SNX16: variants seen among roughly 807,000 people sequenced by gnomAD.
SNX16 encodes sorting nexin-16.
Under a neutral mutation model 36.7 loss-of-function variants are expected in SNX16, and 35 were observed. The observed-to-expected ratio is 0.95, with a 90% CI of 0.73 to 1.27. The LOEUF (loss-of-function observed/expected upper bound fraction) is 1.27, where lower values mean the gene tolerates loss of function less well. SNX16 is among the 50% of genes most tolerant of loss of function. The pLI, the probability that SNX16 is intolerant of heterozygous loss-of-function variation, is 0.00. For missense variants in SNX16, 367 were observed against 393.6 expected, an observed-to-expected ratio of 0.93 and a Z score of 0.57; for synonymous variants, 134 against 132.0, an observed-to-expected ratio of 1.02 and a Z score of -0.10.
Position 81,800,153 on chromosome 8 carries a change from CTT to C in SNX16, c.*1342_*1343del, listed in dbSNP as rs1809622404. ...ATATATACATCAAGATACCGATAAACTTTTAGATAGTAAAGAAAAAAATGGAG... is the reference window on the plus strand; with the variant it reads ...ATATATACATCAAGATACCGATAAACTTAGATAGTAAAGAAAAAAATGGAG... On this transcript the variant is annotated 3_prime_UTR_variant, in exon 8 of 8. Coordinates refer to ENST00000345957, the MANE Select transcript of SNX16 (RefSeq NM_152836.3). 1 of 151,784 alleles carries C rather than the reference CTT, an allele frequency of 6.6e-6. No homozygotes were observed. The highest frequency in any genetic ancestry group is 2.1e-4 in the South Asian group (1 of 4,822). The allele number at this position is 151,784 out of a possible 1,614,324, so 9.4% of individuals were successfully genotyped here.
intron 4 of SNX16, among the ~76,000 whole-genome samples, chr8:81,817,387 C>T (rs1810543029): frequency 2.0e-5 from 3 of 152,112 alleles, no homozygotes; most frequent in Non-Finnish European, 4.4e-5. Flanking sequence ...TGAATGTTGA[C>T]AGTGTATCCA....
intron 5 of SNX16, among the ~76,000 whole-genome samples, chr8:81,809,159 G>A (rs537587838): frequency 6.6e-6 from 1 of 152,108 alleles, no homozygotes; most frequent in East Asian, 1.9e-4. Context: ...GTGATGCCAG[G>A]TACTATTTGG....
intron 1 of SNX16, 137 bp downstream of exon 1, chr8:81,841,985 G>A (rs532970852): frequency 2.0e-5 from 3 of 152,194 alleles, no homozygotes; most frequent in African/African-American, 7.2e-5. Flanking sequence ...GCCTGAAGGT[G>A]GCTGGGCTTC....
chr8:81,815,279 G>A, intron 5 of SNX16, 46 bp downstream of exon 5: 5 of 1,374,364 alleles, frequency 3.6e-6, no homozygotes, highest in Non-Finnish European at 5.1e-6. Flanking sequence ...TTATTGTACT[G>A]CATTAATTGT....
At chr8:81,818,938 A>C (rs557729299) in intron 4 of SNX16, among the ~76,000 whole-genome samples, 2 of 152,086 alleles carry the variant, frequency 1.3e-5, no homozygotes, top group Non-Finnish European at 2.9e-5. Flanking sequence ...GATGGCTATC[A>C]TATCTCCCAA....
chr8:81,832,810 C>T (rs749089181), intron 2 of SNX16, among the ~76,000 whole-genome samples: 14 of 149,304 alleles, frequency 9.4e-5, no homozygotes, highest in South Asian at 2.2e-4. Flanking sequence ...AGTTTTGATA[C>T]GGTATTTTGC....
intron 5 of SNX16, among the ~76,000 whole-genome samples, chr8:81,811,159 T>G (rs1045379173): frequency 7.2e-5 from 11 of 152,290 alleles, no homozygotes; most frequent in African/African-American, 2.4e-4. Flanking sequence ...TCACTTAAAA[T>G]AGAACTTAAT....
intron 4 of SNX16, among the ~76,000 whole-genome samples, chr8:81,822,948 A>G (rs1810823130): frequency 2.3e-5 from 1 of 44,208 alleles, no homozygotes; most frequent in Non-Finnish European, 4.2e-5. Context: ...ATACATATAC[A>G]TATATATATA....
chr8:81,802,555 T>C, intron 6 of SNX16, 56 bp from the exon 7 acceptor site: 1 of 1,502,802 alleles, frequency 6.7e-7, no homozygotes, highest in South Asian at 1.2e-5. Context: ...GGCATATGTT[T>C]AATGTTGTGA....
chr8:81,815,476 G>A (rs2130659689), intron 4 of SNX16, 82 bp from the exon 5 acceptor site: 3 of 1,121,636 alleles, frequency 2.7e-6, no homozygotes, highest in East Asian at 2.5e-5. Context: ...CTTTGAAGCT[G>A]TACAGTGTTT....
At chr8:81,838,111 G>C (rs1811572015) in intron 2 of SNX16, among the ~76,000 whole-genome samples, 1 of 152,094 alleles carries the variant, frequency 6.6e-6, no homozygotes, top group Non-Finnish European at 1.5e-5. Flanking sequence ...GCAGTAAATA[G>C]AAAACAAAAA....
In SNX16 at chr8:81,822,947, CATATATATAT is replaced by C. The variant is rs949455303; in HGVS notation, c.611+835_611+844del. Among the ~76,000 whole-genome samples, 17 of 52,316 alleles carry C rather than the reference CATATATATAT, an allele frequency of 3.2e-4. No individual in the cohort carries two copies. In the East Asian group the frequency reaches 6.1e-3, roughly 19 times the overall value. 34.3% of individuals were successfully genotyped at this position (52,316 alleles called of 152,430 possible). A position where few individuals can be genotyped will look rare whatever the true frequency, so the allele number is the denominator to read the frequency against. On this transcript the variant is annotated intron_variant, in intron 4 of 7. Transcript: ENST00000345957. ...ATGTGTATATATATATATACATATA[CATATATATAT>C]ATATATATATATATATATACACATA... is the stretch of plus-strand genomic sequence containing the variant.
At position 81,815,402 on chromosome 8, in the gene SNX16, A is replaced by G. The variant is rs757091606; in HGVS notation, c.612-8T>C. ...AATTCTCTCACTGCAAGGCTTTTCA[A>G]AGGAAAAAAAAAATGATCTGAAGTA... On this transcript the variant is annotated splice_region_variant and splice_polypyrimidine_tract_variant and intron_variant, in intron 4 of 7. Coordinates refer to ENST00000345957, the MANE Select transcript of SNX16 (RefSeq NM_152836.3). 3.1e-6 allele frequency: 5 copies of G among 1,607,916 alleles called. No homozygotes were observed. In the African/African-American group the frequency reaches 4.0e-5, roughly 13 times the overall value.
chr8:81,808,233 C>G, intron 5 of SNX16: 1 of 1,263,762 alleles, frequency 7.9e-7, no homozygotes, highest in South Asian at 1.2e-5. Context: ...TAACCTTTCA[C>G]GACCATGACT....
chr8:81,824,805 A>C (rs542746208), intron 3 of SNX16, among the ~76,000 whole-genome samples: 1 of 152,152 alleles, frequency 6.6e-6, no homozygotes, highest in Non-Finnish European at 1.5e-5. Flanking sequence ...CAGATTTTTT[A>C]GGTCAATAAT....
intron 3 of SNX16, among the ~76,000 whole-genome samples, chr8:81,824,435 G>A (rs1388031397): frequency 2.0e-5 from 3 of 151,964 alleles, no homozygotes; most frequent in Admixed American, 2.0e-4. Flanking sequence ...AACTTGGCCT[G>A]ACTTTTCAAT....
At position 81,840,090 on chromosome 8, in the gene SNX16, T is replaced by A. The variant is rs1293087517; in HGVS notation, c.-96-8A>T. The A allele has an allele frequency of 3.7e-6, 5 of 1,333,956 alleles. No individual in the cohort carries two copies. The East Asian group carries it at 9.3e-5, about 25-fold the overall frequency. The allele number at this position is 1,333,956 out of a possible 1,614,324, so 82.6% of individuals were successfully genotyped here. A position where few individuals can be genotyped will look rare whatever the true frequency, so the allele number is the denominator to read the frequency against. ...TTCTTAGGAATTCACTATCTAAAAATGAAAAGGACATATTAAAAGGTTAGT... is the reference window on the plus strand; with the variant it reads ...TTCTTAGGAATTCACTATCTAAAAAAGAAAAGGACATATTAAAAGGTTAGT... On this transcript the variant is annotated splice_region_variant and splice_polypyrimidine_tract_variant and intron_variant, in intron 1 of 7. Transcript: ENST00000345957.
rs1396301008 is a variant in SNX16, at chr8:81,810,095, T to TAATA, written c.681+5229_681+5230insTATT. Among the ~76,000 whole-genome samples the TAATA allele has an allele frequency of 6.6e-5, 10 of 152,266 alleles. No homozygotes were observed. In the East Asian group the frequency reaches 1.9e-3, roughly 29 times the overall value. On this transcript the variant is annotated intron_variant, in intron 5 of 7. Coordinates refer to ENST00000345957, the MANE Select transcript of SNX16 (RefSeq NM_152836.3). ...TGGCTTAAGAATTCTGCTTTAATTG[T>TAATA]TTGTACTTATAATTCATATAAAATA...
Position 81,801,607 on chromosome 8 carries a change from A to G in SNX16, c.939-14T>C, listed in dbSNP as rs1420876316. 6.6e-7 allele frequency: 1 copy of G among 1,509,960 alleles called. No homozygotes were observed. Among genetic ancestry groups the G allele is most frequent in the South Asian group, 1.2e-5 (1 of 84,200 alleles). The allele number at this position is 1,509,960 out of a possible 1,614,324, so 93.5% of individuals were successfully genotyped here. On this transcript the variant is annotated splice_polypyrimidine_tract_variant and intron_variant, in intron 7 of 7. Coordinates refer to ENST00000345957, the MANE Select transcript of SNX16 (RefSeq NM_152836.3). ...TTATTATCAGCTCTGCAAAAAAAAA[A>G]AAAAAAGGAACATATCAATGATGGG...
Sources: gnomAD v4.1 joint callset for allele counts (sites outside exome capture counted in the v4.1 genomes callset) on GRCh38, gnomAD v4.1.1 for gene constraint, MANE v1.5 for transcripts, NCBI Gene and HGNC (gene_info 2026-07-23, HGNC 2026-07-21) for gene names.